MSRA: variants seen among roughly 807,000 people sequenced by gnomAD.
MSRA encodes methionine sulfoxide reductase A, also known as mitochondrial peptide methionine sulfoxide reductase.
A neutral mutation model predicts 31.3 loss-of-function variants in MSRA; 54 were observed. That is an observed-to-expected ratio of 1.73 (90% confidence interval 1.39 to 2.17). MSRA has a LOEUF of 2.17. Among genes scored for constraint, MSRA ranks in the 30% most tolerant of loss-of-function variants. MSRA has a pLI of 0.00. For missense variants in MSRA, 507 were observed against 300.9 expected, an observed-to-expected ratio of 1.69 and a Z score of -5.07; for synonymous variants, 169 against 116.5, an observed-to-expected ratio of 1.45 and a Z score of -2.90.
intron 5 of MSRA, among the ~76,000 whole-genome samples, chr8:10,362,628 C>T (rs1303986955): frequency 6.6e-6 from 1 of 151,998 alleles, no homozygotes; most frequent in Non-Finnish European, 1.5e-5. Context: ...GTCCAGGGTC[C>T]ACAGGGAGAC....
chr8:10,294,819 C>T (rs1483475163), intron 3 of MSRA, among the ~76,000 whole-genome samples: 1 of 152,002 alleles, frequency 6.6e-6, no homozygotes, highest in Non-Finnish European at 1.5e-5. Flanking sequence ...TTCCCCACAG[C>T]AGCACAGAGT....
intron 1 of MSRA, among the ~76,000 whole-genome samples, chr8:10,150,327 A>ATCAGTCTG (rs1803550088): frequency 6.6e-6 from 1 of 152,146 alleles, no homozygotes; most frequent in Non-Finnish European, 1.5e-5. Flanking sequence ...GAGAGAGAAA[A>ATCAGTCTG]TCAGTCTGTC....
At chr8:10,072,442 C>T (rs1246777999) in intron 1 of MSRA, among the ~76,000 whole-genome samples, 3 of 152,026 alleles carry the variant, frequency 2.0e-5, no homozygotes, top group Non-Finnish European at 4.4e-5. Flanking sequence ...TTTCTGGGTC[C>T]TTACTCCCTC....
intron 1 of MSRA, among the ~76,000 whole-genome samples, chr8:10,149,123 C>CTTTTTTTTTTTTT (rs35648929): frequency 1.4e-5 from 2 of 141,470 alleles, no homozygotes; most frequent in Non-Finnish European, 1.5e-5. Flanking sequence ...ACCTGGCTAA[C>CTTTTTTTTTTTTT]TTTTTTTTTT....
chr8:10,295,089 T>C (rs4840475), intron 3 of MSRA, among the ~76,000 whole-genome samples: 113,829 of 151,964 alleles, frequency 0.75, 43,132 homozygotes, highest in East Asian at 0.89. Flanking sequence ...TCTAGAGATC[T>C]CTGCTGCTCC....
At chr8:10,123,639 A>C (rs2062333) in intron 1 of MSRA, among the ~76,000 whole-genome samples, 2 of 151,902 alleles carry the variant, frequency 1.3e-5, no homozygotes, top group African/African-American at 4.8e-5. Flanking sequence ...GAGTTTTTAT[A>C]GTTTTGAGGT....
At chr8:10,302,754 A>G (rs1234226174) in intron 4 of MSRA, among the ~76,000 whole-genome samples, 3 of 152,220 alleles carry the variant, frequency 2.0e-5, no homozygotes, top group Non-Finnish European at 4.4e-5. Context: ...GGGCCTAGGA[A>G]GGAGGCCGGG....
At chr8:10,118,773 C>T (rs543604109) in intron 1 of MSRA, among the ~76,000 whole-genome samples, 1 of 152,304 alleles carries the variant, frequency 6.6e-6, no homozygotes, top group African/African-American at 2.4e-5. Context: ...TCCTCTGTTA[C>T]CTCCAATGTG....
chr8:10,092,593 G>C (rs1001376296), intron 1 of MSRA, among the ~76,000 whole-genome samples: 2 of 152,142 alleles, frequency 1.3e-5, no homozygotes, highest in African/African-American at 4.8e-5. Context: ...AGGAAGTGGA[G>C]GTTGCAGTGA....
chr8:10,164,294 C>G (rs9693030), intron 1 of MSRA, among the ~76,000 whole-genome samples: 4,166 of 152,244 alleles, frequency 0.027, 171 homozygotes, highest in African/African-American at 0.091. Context: ...GTTAAATTTC[C>G]TGTAAATCCT....
At chr8:10,227,886 A>G (rs368778638) in intron 2 of MSRA, among the ~76,000 whole-genome samples, 3 of 152,208 alleles carry the variant, frequency 2.0e-5, no homozygotes, top group African/African-American at 7.2e-5. Flanking sequence ...TTGTTGCATT[A>G]TTTAACATGA....
chr8:10,079,668 C>T (rs576996398), intron 1 of MSRA, among the ~76,000 whole-genome samples: 253 of 152,226 alleles, frequency 1.7e-3, no homozygotes, highest in African/African-American at 5.5e-3. Flanking sequence ...TTTCTTAGTC[C>T]TTCATATTTG....
rs566200866 is a variant in MSRA, at chr8:10,198,785, G to A, written c.143-9048G>A. Among the ~76,000 whole-genome samples the A allele has an allele frequency of 4.6e-5, 7 of 152,190 alleles. No homozygotes were observed. In the South Asian group the frequency reaches 1.5e-3, roughly 32 times the overall value. On this transcript the variant is annotated intron_variant, in intron 1 of 5. Transcript: ENST00000317173. ...ACCACAGGTGCACACCACCATGCCT[G>A]GCTAACTTATTTATTTATTTTTTGT...
intron 5 of MSRA, among the ~76,000 whole-genome samples, chr8:10,368,538 C>G (rs757141577): frequency 1.3e-5 from 2 of 152,220 alleles, no homozygotes; most frequent in African/African-American, 2.4e-5. Context: ...TGGCCAACAC[C>G]GGAGTGGGGT....
chr8:10,064,144 C>A (rs1429065488), intron 1 of MSRA, among the ~76,000 whole-genome samples: 1 of 152,184 alleles, frequency 6.6e-6, no homozygotes, highest in African/African-American at 2.4e-5. Context: ...GTTATAGAAG[C>A]TGCTGGCATG....
intron 1 of MSRA, among the ~76,000 whole-genome samples, chr8:10,207,011 T>G (rs2129059656): frequency 6.6e-6 from 1 of 152,366 alleles, no homozygotes; most frequent in East Asian, 1.9e-4. Context: ...GTGAAGCGTC[T>G]TAGCTATCCT....
chr8:10,337,485 A>C, intron 5 of MSRA: 1 of 528,882 alleles, frequency 1.9e-6, no homozygotes, highest in Non-Finnish European at 3.4e-6. Context: ...GGCCAAGCCT[A>C]TGTCGCTTTT....
intron 1 of MSRA, among the ~76,000 whole-genome samples, chr8:10,134,461 G>T (rs577060072): frequency 6.6e-6 from 1 of 152,186 alleles, no homozygotes; most frequent in Non-Finnish European, 1.5e-5. Flanking sequence ...TCCCTGTGCC[G>T]GTGTTGCTCC....
At chr8:10,064,235 C>G (rs1249653618) in intron 1 of MSRA, among the ~76,000 whole-genome samples, 1 of 152,200 alleles carries the variant, frequency 6.6e-6, no homozygotes, top group East Asian at 1.9e-4. Context: ...TACTCGATGA[C>G]TTTGACTCAT....
Sources: gnomAD v4.1 joint callset for allele counts (sites outside exome capture counted in the v4.1 genomes callset) on GRCh38, gnomAD v4.1.1 for gene constraint, MANE v1.5 for transcripts, NCBI Gene and HGNC (gene_info 2026-07-23, HGNC 2026-07-21) for gene names.